ARHGAP32: variants seen among roughly 807,000 people sequenced by gnomAD.
The protein encoded by ARHGAP32 is rho GTPase-activating protein 32.
Under a neutral mutation model 186.5 loss-of-function variants are expected in ARHGAP32, and 51 were observed. The observed-to-expected ratio is 0.27, with a 90% CI of 0.22 to 0.35. The LOEUF is 0.35. Ranked by LOEUF, ARHGAP32 falls within the 10% of genes least tolerant of loss-of-function variation. The pLI is 1.00. For missense variants in ARHGAP32, 2,186 were observed against 2,623.5 expected, an observed-to-expected ratio of 0.83 and a Z score of 3.64; for synonymous variants, 950 against 964.3, an observed-to-expected ratio of 0.99 and a Z score of 0.27.
chr11:129,270,043 TA>T (rs1165224396), intron 1 of ARHGAP32, among the ~76,000 whole-genome samples: 51 of 143,208 alleles, frequency 3.6e-4, no homozygotes, highest in East Asian at 1.4e-3. Context: ...ACTTACTTAT[TA>T]AAAAAAAAAA....
intron 11 of ARHGAP32, among the ~76,000 whole-genome samples, chr11:129,015,144 C>T (rs975457515): frequency 2.0e-5 from 3 of 152,106 alleles, no homozygotes; most frequent in Admixed American, 1.3e-4. Flanking sequence ...AACAAAACTC[C>T]TATTGTATTA....
chr11:129,080,782 GA>G (rs1157501407), intron 6 of ARHGAP32, among the ~76,000 whole-genome samples: 17 of 147,714 alleles, frequency 1.2e-4, no homozygotes, highest in African/African-American at 3.7e-4. Flanking sequence ...ATTGAAACAA[GA>G]AAAAAAAATA....
At chr11:129,068,754 T>C (rs1264494149) in intron 6 of ARHGAP32, among the ~76,000 whole-genome samples, 2 of 152,060 alleles carry the variant, frequency 1.3e-5, no homozygotes, top group Admixed American at 6.6e-5. Flanking sequence ...CTTTTATGTA[T>C]TGACTTCTAG....
chr11:129,187,761 CA>C (rs572726032), intron 1 of ARHGAP32, among the ~76,000 whole-genome samples: 190 of 152,130 alleles, frequency 1.2e-3, no homozygotes, highest in Non-Finnish European at 2.1e-3. Context: ...TTCAAGGTTA[CA>C]AAACAATATA....
Position 129,192,127 on chromosome 11 carries a change from G to C in ARHGAP32, c.72C>G (p.Ile24Met). ...SVFWLESEVI[I>M]QVTDCEEEER... ...CTTCCTCTTCACAGTCAGTCACCTG[G>C]ATTATAACTTCAGACTCCAACCAGA... The change falls in exon 1 of 23, where the codon ATC becomes ATG. Residue 24 changes from isoleucine to methionine, a missense_variant. Physicochemically the swap from Ile to Met is conservative, Grantham distance 10. This residue lies in a region of ARHGAP32 where 108 missense variants were observed against 116.8 expected (regional missense o/e 0.92). Transcript: ENST00000682385. 1 of 1,613,648 alleles carries C rather than the reference G, an allele frequency of 6.2e-7. No homozygotes were observed. Among genetic ancestry groups the C allele is most frequent in the Non-Finnish European group, 8.5e-7 (1 of 1,179,776 alleles).
intron 18 of ARHGAP32, among the ~76,000 whole-genome samples, chr11:128,980,314 C>T (rs1290482209): frequency 1.3e-5 from 2 of 152,184 alleles, no homozygotes; most frequent in African/African-American, 4.8e-5. Flanking sequence ...AAACAATTTT[C>T]CCTATACCAC....
At chr11:129,113,861 TGTACTACTA>T (rs1555094164) in intron 5 of ARHGAP32, among the ~76,000 whole-genome samples, 4 of 152,060 alleles carry the variant, frequency 2.6e-5, no homozygotes, top group Non-Finnish European at 5.9e-5. Flanking sequence ...CAAAACAAAC[TGTACTACTA>T]TTCACCCAGC....
intron 6 of ARHGAP32, among the ~76,000 whole-genome samples, chr11:129,078,988 A>G (rs750863385): frequency 2.6e-5 from 4 of 152,178 alleles, no homozygotes; most frequent in Admixed American, 1.3e-4. Context: ...TTTCAACAAT[A>G]GATTCAAACA....
At chr11:129,188,082 A>T (rs946141553) in intron 1 of ARHGAP32, among the ~76,000 whole-genome samples, 4 of 152,016 alleles carry the variant, frequency 2.6e-5, no homozygotes, top group African/African-American at 9.7e-5. Flanking sequence ...CAGCCTCCCA[A>T]ATAGCTGGGA....
At chr11:128,975,094 A>G (rs1442160903) in intron 20 of ARHGAP32, 92 bp from the exon 21 acceptor site, 3 of 1,008,776 alleles carry the variant, frequency 3.0e-6, no homozygotes, top group Admixed American at 2.4e-5. Flanking sequence ...GTAACTTACT[A>G]TCTAGGTGAA....
At chr11:129,205,908 T>C (rs1944509075) in intron 1 of ARHGAP32, among the ~76,000 whole-genome samples, 1 of 152,080 alleles carries the variant, frequency 6.6e-6, no homozygotes, top group Non-Finnish European at 1.5e-5. Context: ...TTTTTTATTA[T>C]GGGAAATTTC....
At chr11:129,125,766 A>G (rs1285777507) in intron 2 of ARHGAP32, 2 of 291,438 alleles carry the variant, frequency 6.9e-6, no homozygotes, top group Non-Finnish European at 1.4e-5. Context: ...ACATCATCAC[A>G]GTGTGCTGGG....
At position 129,040,957 on chromosome 11, in the gene ARHGAP32, T is replaced by G. The variant is rs978328147; in HGVS notation, c.1016A>C (p.Gln339Pro). 6.2e-7 allele frequency: 1 copy of G among 1,606,776 alleles called. No individual in the cohort carries two copies. Among genetic ancestry groups the G allele is most frequent in the Non-Finnish European group, 8.5e-7 (1 of 1,176,514 alleles). ...CVELINQKVP[Q>P]SVTNSVPKPV... ...TTTTGGCACTGAGTTGGTCACTGAC[T>G]GGGGAACTTTTTGGTTAATTAACTC... Residue 339 changes from glutamine to proline, a missense_variant, in exon 11 of 23, where the codon CAG (glutamine) becomes CCG (proline). Physicochemically the swap from Gln to Pro is moderately conservative, Grantham distance 76 (BLOSUM62 -1). Coordinates refer to ENST00000682385, the MANE Select transcript of ARHGAP32 (RefSeq NM_001378024.1).
chr11:129,070,678 T>C (rs1024594539), intron 6 of ARHGAP32, among the ~76,000 whole-genome samples: 1 of 152,164 alleles, frequency 6.6e-6, no homozygotes, highest in South Asian at 2.1e-4. Context: ...TCTATTTTTA[T>C]AGCTTTTCTG....
intron 1 of ARHGAP32, among the ~76,000 whole-genome samples, chr11:129,229,836 G>A (rs995960060): frequency 6.6e-6 from 1 of 151,942 alleles, no homozygotes; most frequent in Non-Finnish European, 1.5e-5. Context: ...TTTTTTGGGG[G>A]TGGGAGGCAG....
chr11:129,165,376 C>T (rs1207145141), intron 1 of ARHGAP32, among the ~76,000 whole-genome samples: 1 of 151,648 alleles, frequency 6.6e-6, no homozygotes, highest in African/African-American at 2.4e-5. Flanking sequence ...AACCCCTGAG[C>T]TCTTATGTGT....
intron 3 of ARHGAP32, 87 bp downstream of exon 3, chr11:129,124,716 A>G: frequency 9.7e-7 from 1 of 1,029,496 alleles, no homozygotes; most frequent in South Asian, 1.7e-5. Flanking sequence ...TTTTTGTAAA[A>G]AGTCTAAATA....
At chr11:129,277,152 AG>A (rs1317028727) in intron 1 of ARHGAP32, among the ~76,000 whole-genome samples, 2 of 152,228 alleles carry the variant, frequency 1.3e-5, no homozygotes, top group Non-Finnish European at 2.9e-5. Context: ...TAATATACTC[AG>A]GTCAGCTTGG....
intron 1 of ARHGAP32, among the ~76,000 whole-genome samples, chr11:129,219,406 T>C (rs1168119531): frequency 1.3e-5 from 2 of 152,196 alleles, no homozygotes; most frequent in Non-Finnish European, 2.9e-5. Context: ...GAGTTCAAGC[T>C]GAGACACCTT....
Sources: allele counts gnomAD v4.1 joint callset (sites outside exome capture counted in the v4.1 genomes callset), GRCh38; gene constraint gnomAD v4.1.1; regional missense constraint gnomAD v4.1.1; transcripts MANE v1.5; gene names NCBI Gene and HGNC (gene_info 2026-07-23, HGNC 2026-07-21).